Variants in SPAG9 observed in about 807,000 individuals in gnomAD.
SPAG9 encodes C-Jun-amino-terminal kinase-interacting protein 4.
A neutral mutation model predicts 166.5 loss-of-function variants in SPAG9; 35 were observed. The ratio of observed to expected loss-of-function variants is 0.21; its 90% CI spans 0.16 to 0.28. The LOEUF (loss-of-function observed/expected upper bound fraction) is 0.28, where lower values mean the gene tolerates loss of function less well. Among genes scored for constraint, SPAG9 ranks in the 10% least tolerant of loss-of-function variants. The probability of loss-of-function intolerance (pLI) is 1.00; values close to 1 mark genes in which losing one functional copy is unlikely to be tolerated. For missense variants in SPAG9, 1,235 were observed against 1,603.3 expected (o/e 0.77, Z 3.92); for synonymous variants, 534 against 565.5 (o/e 0.94, Z 0.79).
At chr17:51,082,806 T>C (rs978691662) in intron 1 of SPAG9, among the ~76,000 whole-genome samples, 1 of 152,104 alleles carries the variant, frequency 6.6e-6, no homozygotes, top group African/African-American at 2.4e-5. Flanking sequence ...AGGACATGGG[T>C]TTTTGTTTTT....
chr17:51,064,508 T>C (rs777414734), intron 2 of SPAG9, among the ~76,000 whole-genome samples: 1 of 152,146 alleles, frequency 6.6e-6, no homozygotes, highest in Non-Finnish European at 1.5e-5. Context: ...AAAACAATAT[T>C]ATCCGGTTAT....
chr17:50,999,537 C>A, intron 14 of SPAG9, 124 bp downstream of exon 14: 1 of 1,449,938 alleles, frequency 6.9e-7, no homozygotes, highest in Non-Finnish European at 9.2e-7. Context: ...TTAACCATTA[C>A]CCCTAGTTTA....
intron 1 of SPAG9, among the ~76,000 whole-genome samples, chr17:51,089,618 TTTTATATATA>T (rs1490213567): frequency 9.8e-5 from 7 of 71,284 alleles, no homozygotes; most frequent in African/African-American, 4.6e-4. Context: ...ATACACTTTA[TTTTATATATA>T]TATATATATA....
chr17:50,990,727 A>C (rs1975473568), intron 19 of SPAG9, 59 bp from the exon 20 acceptor site: 2 of 1,377,820 alleles, frequency 1.5e-6, no homozygotes, highest in African/African-American at 1.4e-5. Context: ...CATTTTTTTT[A>C]CTAAAACAAT....
chr17:50,975,842 T>C, intron 27 of SPAG9: 1 of 1,529,340 alleles, frequency 6.5e-7, no homozygotes, highest in Non-Finnish European at 8.8e-7. Context: ...AAGAAGAGTT[T>C]GGTTCAGAAT....
chr17:51,059,098 C>T (rs2047435372), intron 2 of SPAG9, among the ~76,000 whole-genome samples: 1 of 151,982 alleles, frequency 6.6e-6, no homozygotes, highest in African/African-American at 2.4e-5. Flanking sequence ...CATCATGGAC[C>T]AATAGCACAA....
Position 51,120,521 on chromosome 17 carries a change from C to CT in SPAG9, c.135_136insA (p.Val46SerfsTer55). On this transcript the variant is annotated frameshift_variant, in exon 1 of 30. Transcript: ENST00000262013. LOFTEE classifies it high-confidence loss of function. The surrounding 1 kb of genome is among the most constrained non-coding windows in gnomAD (Gnocchi z 4.7). ...ACCAGCGGCATCAGCTCTTTGACCACCTCCTCGTCATAGCGCCCGATAAGC... is the reference window on the plus strand; with the variant it reads ...ACCAGCGGCATCAGCTCTTTGACCACTCTCCTCGTCATAGCGCCCGATAAGC... The CT allele has an allele frequency of 6.2e-7, 1 of 1,613,998 alleles. No individual in the cohort carries two copies. The highest frequency in any genetic ancestry group is 8.5e-7 in the Non-Finnish European group (1 of 1,179,894).
chr17:51,012,569 CAA>C (rs1160336768), intron 9 of SPAG9, among the ~76,000 whole-genome samples: 3 of 129,690 alleles, frequency 2.3e-5, no homozygotes, highest in African/African-American at 5.7e-5. Flanking sequence ...GACTATGTCT[CAA>C]AAAAAAAAAA....
At chr17:51,113,909 C>T (rs947645232) in intron 1 of SPAG9, among the ~76,000 whole-genome samples, 4 of 151,244 alleles carry the variant, frequency 2.6e-5, no homozygotes, top group Non-Finnish European at 5.9e-5. Flanking sequence ...ATGGGAGGAT[C>T]GCTTGAACCC....
intron 1 of SPAG9, among the ~76,000 whole-genome samples, chr17:51,083,049 G>C (rs1346382105): frequency 6.6e-6 from 1 of 152,064 alleles, no homozygotes; most frequent in Non-Finnish European, 1.5e-5. Context: ...ATAGAGAAGA[G>C]CAGGCCTGAG....
intron 1 of SPAG9, among the ~76,000 whole-genome samples, chr17:51,083,300 T>C (rs1253432408): frequency 6.6e-6 from 1 of 150,714 alleles, no homozygotes. Flanking sequence ...GCTGGTACCA[T>C]CTCAGCTCAC....
Position 50,964,660 on chromosome 17 carries a change from A to C in SPAG9, c.*1612T>G. On this transcript the variant is annotated 3_prime_UTR_variant, in exon 30 of 30. Transcript: ENST00000262013. Reference sequence around the variant, plus strand: ...AAAAAAGGGTAAATCACACATTTTCAAGAAGCTTGAGAGGGAAAAAATTGC... The same window carrying C: ...AAAAAAGGGTAAATCACACATTTTCCAGAAGCTTGAGAGGGAAAAAATTGC... 2.4e-6 allele frequency: 1 copy of C among 414,384 alleles called. No homozygotes were observed. Among genetic ancestry groups the C allele is most frequent in the East Asian group, 7.9e-5 (1 of 12,646 alleles). 25.7% of individuals were successfully genotyped at this position (414,384 alleles called of 1,614,324 possible). A position where few individuals can be genotyped will look rare whatever the true frequency, so the allele number is the denominator to read the frequency against.
rs1975834464 is a variant in SPAG9, at chr17:50,993,913, T to A, written c.2249A>T (p.Asn750Ile). 1 of 1,613,978 alleles carries A rather than the reference T, an allele frequency of 6.2e-7. No individual in the cohort carries two copies. Among genetic ancestry groups the A allele is most frequent in the Non-Finnish European group, 8.5e-7 (1 of 1,179,976 alleles). Reference protein sequence around the residue: ...ELKEQQKELKNQEELSSLVWI... With the variant: ...ELKEQQKELKIQEELSSLVWI... ...AACTAGACTGGATAATTCTTCTTGA[T>A]TTTTTAACTCCTTCTGCTGTTCCTG... The change falls in exon 19 of 30, where the codon AAT becomes ATT. Residue 750 changes from asparagine to isoleucine, a missense_variant. This residue lies in a region of SPAG9 where 493 missense variants were observed against 559.4 expected (regional missense o/e 0.88). Transcript: ENST00000262013.
chr17:51,014,879 A>T (rs2045634964), intron 8 of SPAG9, among the ~76,000 whole-genome samples: 2 of 152,108 alleles, frequency 1.3e-5, no homozygotes, highest in Admixed American at 1.3e-4. Context: ...CAAGTTGCAA[A>T]ACAGTGTATA....
At chr17:51,020,074 A>G (rs1371719058) in intron 8 of SPAG9, 85 bp downstream of exon 8, 5 of 752,562 alleles carry the variant, frequency 6.6e-6, no homozygotes, top group Admixed American at 4.9e-5. Context: ...ATCTGAATCC[A>G]TTTTGTCCAG....
chr17:51,111,314 T>C (rs949818195), intron 1 of SPAG9, among the ~76,000 whole-genome samples: 1 of 152,220 alleles, frequency 6.6e-6, no homozygotes, highest in South Asian at 2.1e-4. Context: ...CTTATTTAGA[T>C]AACAGCTGTA....
chr17:50,993,427 T>C lies in SPAG9; in HGVS notation c.2398+337A>G, dbSNP rs536242989. ...AATAATATTCCAACATATGGATATA[T>C]CACATACACTTCTTTAATTTTTAAA... is the stretch of plus-strand genomic sequence containing the variant. On this transcript the variant is annotated intron_variant, in intron 19 of 29. Transcript: ENST00000262013. Among the ~76,000 whole-genome samples the C allele has an allele frequency of 2.0e-5, 3 of 152,078 alleles. No individual in the cohort carries two copies. In the South Asian group the frequency reaches 6.2e-4, roughly 32 times the overall value.
At chr17:51,018,609 C>T (rs532756246) in intron 8 of SPAG9, among the ~76,000 whole-genome samples, 52 of 152,220 alleles carry the variant, frequency 3.4e-4, no homozygotes, top group South Asian at 6.2e-4. Context: ...TCTGAACCCA[C>T]CCAGCAGCAG....
At position 50,993,898 on chromosome 17, in the gene SPAG9, G is replaced by A. The variant is rs1307263209; in HGVS notation, c.2264C>T (p.Ser755Phe). 4 of 1,614,038 alleles carry A rather than the reference G, an allele frequency of 2.5e-6. No homozygotes were observed. Among genetic ancestry groups the A allele is most frequent in the Non-Finnish European group, 3.4e-6 (4 of 1,180,020 alleles). The stretch of plus-strand genomic sequence containing the variant: ...GCTGGTACAGATCCAAACTAGACTG[G>A]ATAATTCTTCTTGATTTTTTAACTC... ...QKELKNQEELSSLVWICTSTH... is the reference protein window; with the variant it reads ...QKELKNQEELFSLVWICTSTH... Residue 755 changes from serine (S) to phenylalanine (F), a missense_variant, in exon 19 of 30, where the codon TCC becomes TTC. Transcript: ENST00000262013.
Sources: allele counts gnomAD v4.1 joint callset (sites outside exome capture counted in the v4.1 genomes callset), GRCh38; gene constraint gnomAD v4.1.1; regional missense constraint gnomAD v4.1.1; non-coding constraint Gnocchi (gnomAD v3.1); transcripts MANE v1.5; gene names NCBI Gene and HGNC (gene_info 2026-07-23, HGNC 2026-07-21).